The following DOCK9 variants were observed in gnomAD, a reference collection of about 807,000 sequenced individuals.
DOCK9 encodes dedicator of cytokinesis protein 9.
DOCK9 carries 89 observed loss-of-function variants against 263.3 expected under a neutral mutation model. The observed-to-expected ratio is 0.34, with a 90% CI of 0.28 to 0.40. The LOEUF is 0.40. DOCK9 is among the 10% of genes least tolerant of loss of function. The pLI is 1.00. For synonymous variants in DOCK9, 976 were observed against 973.1 expected, an observed-to-expected ratio of 1.00 and a Z score of -0.06; for missense variants, 2,140 against 2,603.4, an observed-to-expected ratio of 0.82 and a Z score of 3.87.
At chr13:98,812,572 TACA>T (rs1242092180) in intron 45 of DOCK9, among the ~76,000 whole-genome samples, 1 of 152,312 alleles carries the variant, frequency 6.6e-6, no homozygotes. Context: ...GTGCAAGGGC[TACA>T]ACAACTTAAT....
Position 98,920,996 on chromosome 13 carries a change from T to C in DOCK9, c.675A>G (p.Pro225=). 1.2e-6 allele frequency: 2 copies of C among 1,607,482 alleles called. No homozygotes were observed. Among genetic ancestry groups the C allele is most frequent in the Non-Finnish European group, 1.7e-6 (2 of 1,176,490 alleles). ...FYKDEKISKE[P]KGSIFLDSCM... ...AGGAATCCAGAAATATTGATCCTTTTGGTTCTTTGGAGATCTTTTCATCTT... is the reference window on the plus strand; with the variant it reads ...AGGAATCCAGAAATATTGATCCTTTCGGTTCTTTGGAGATCTTTTCATCTT... Residue 225 remains proline (P), a synonymous_variant, in exon 7 of 53, where the codon CCA becomes CCG. Coordinates refer to ENST00000682017, the MANE Select transcript of DOCK9 (RefSeq NM_001366683.2).
chr13:98,940,681 T>C (rs1445134294), intron 2 of DOCK9, among the ~76,000 whole-genome samples: 2 of 144,656 alleles, frequency 1.4e-5, no homozygotes, highest in East Asian at 4.0e-4. Flanking sequence ...TGGGGGGGCC[T>C]TCTCTGCCTC....
At chr13:98,931,014 C>T (rs2053829028) in intron 2 of DOCK9, among the ~76,000 whole-genome samples, 1 of 152,206 alleles carries the variant, frequency 6.6e-6, no homozygotes, top group South Asian at 2.1e-4. Context: ...ACCATCACCA[C>T]CATCCATCTC....
intron 1 of DOCK9, among the ~76,000 whole-genome samples, chr13:99,046,525 G>A (rs1260098180): frequency 2.0e-5 from 3 of 152,180 alleles, no homozygotes; most frequent in Admixed American, 2.0e-4. Context: ...CCAACTTGTG[G>A]GACTTGTCTC....
At chr13:98,961,685 G>T (rs982958470) in intron 1 of DOCK9, among the ~76,000 whole-genome samples, 2 of 152,156 alleles carry the variant, frequency 1.3e-5, no homozygotes, top group Non-Finnish European at 2.9e-5. Flanking sequence ...CTCAGGGCAG[G>T]GCTGAGTCTT....
chr13:98,831,963 T>C (rs1222669802), intron 39 of DOCK9, 177 bp from the exon 40 acceptor site: 4 of 725,714 alleles, frequency 5.5e-6, no homozygotes, highest in East Asian at 2.7e-5. Context: ...AGCAAATCTA[T>C]CAATACATTT....
chr13:99,013,638 G>A (rs1430390941), intron 1 of DOCK9, among the ~76,000 whole-genome samples: 3 of 152,124 alleles, frequency 2.0e-5, no homozygotes, highest in African/African-American at 4.8e-5. Flanking sequence ...GCAATGAATG[G>A]TGCAATCCCT....
chr13:98,940,450 G>C (rs1397749583), intron 2 of DOCK9, among the ~76,000 whole-genome samples: 1 of 152,110 alleles, frequency 6.6e-6, no homozygotes, highest in African/African-American at 2.4e-5. Flanking sequence ...CTAGGCTGGA[G>C]TGCAGTGGTG....
intron 1 of DOCK9, among the ~76,000 whole-genome samples, chr13:98,997,055 G>A (rs1388897811): frequency 6.6e-6 from 1 of 152,190 alleles, no homozygotes; most frequent in African/African-American, 2.4e-5. Context: ...GAGATGTGCT[G>A]ACTATCCAGG....
At chr13:99,056,479 G>A (rs1462545302) in intron 1 of DOCK9, among the ~76,000 whole-genome samples, 1 of 152,028 alleles carries the variant, frequency 6.6e-6, no homozygotes, top group African/African-American at 2.4e-5. Flanking sequence ...ATTAACTGAG[G>A]GGAAAAAAGA....
At chr13:99,020,062 AC>A (rs1344085984) in intron 1 of DOCK9, among the ~76,000 whole-genome samples, 4 of 152,172 alleles carry the variant, frequency 2.6e-5, no homozygotes, top group Non-Finnish European at 5.9e-5. Context: ...AGATGGCACC[AC>A]TGCACTTCAG....
intron 21 of DOCK9, among the ~76,000 whole-genome samples, chr13:98,884,433 A>G (rs1233337448): frequency 6.6e-6 from 1 of 152,258 alleles, no homozygotes; most frequent in African/African-American, 2.4e-5. Context: ...GCAGACAAAC[A>G]TAAAAAGAAC....
At chr13:98,839,284 G>T (rs1348495840) in intron 38 of DOCK9, among the ~76,000 whole-genome samples, 3 of 152,180 alleles carry the variant, frequency 2.0e-5, no homozygotes, top group Non-Finnish European at 4.4e-5. Context: ...ATCTCCCAGA[G>T]AAAATAAAGG....
chr13:98,911,349 T>G (rs2049990191), intron 9 of DOCK9, among the ~76,000 whole-genome samples: 1 of 152,202 alleles, frequency 6.6e-6, no homozygotes, highest in African/African-American at 2.4e-5. Flanking sequence ...ATGTTTGAGG[T>G]GATGGCTATC....
At position 98,825,813 on chromosome 13, in the gene DOCK9, G is replaced by A. The variant is rs373119015; in HGVS notation, c.5023+1017C>T. On this transcript the variant is annotated intron_variant, in intron 44 of 52. Transcript: ENST00000682017. The surrounding 1 kb of genome is among the most constrained non-coding windows in gnomAD (Gnocchi z 4.1). ...GTTAAAAGGGCAAATCCCCCACCAC[G>A]GGAGGGCACGTGACCAGGGCAGGGG... 21 of 1,187,408 alleles carry A rather than the reference G, an allele frequency of 1.8e-5. No homozygotes were observed. The highest frequency in any genetic ancestry group is 1.0e-4 in the Admixed American group (3 of 29,314). The allele number at this position is 1,187,408 out of a possible 1,614,324, so 73.6% of individuals were successfully genotyped here.
In DOCK9 at chr13:98,832,443, T is replaced by G. The variant is rs529477860; in HGVS notation, c.4315-657A>C. Reference sequence around the variant, plus strand: ...AGTGTAGAAACCATCTGACGCATACTTTGGTCTAGCTCAGTAGGTGGCATC... The same window carrying G: ...AGTGTAGAAACCATCTGACGCATACGTTGGTCTAGCTCAGTAGGTGGCATC... On this transcript the variant is annotated intron_variant, in intron 39 of 52. Transcript: ENST00000682017. Among the ~76,000 whole-genome samples, 8 of 152,274 alleles carry G rather than the reference T, an allele frequency of 5.3e-5. No homozygotes were observed. In the South Asian group the frequency reaches 1.7e-3, roughly 32 times the overall value.
At chr13:98,923,238 A>G (rs2052363892) in intron 5 of DOCK9, 64 bp downstream of exon 5, 1 of 1,480,600 alleles carries the variant, frequency 6.8e-7, no homozygotes, top group Non-Finnish European at 9.4e-7. Context: ...TAATCTTCTA[A>G]GTCTGTAAAA....
At position 99,021,105 on chromosome 13, in the gene DOCK9, T is replaced by C. The variant is rs139176653; in HGVS notation, c.129+65118A>G. On this transcript the variant is annotated intron_variant, in intron 1 of 32. Coordinates refer to the DOCK9 transcript ENST00000427887. ...AATGCCTCGTTCCTTTTATAACCAA[T>C]CAATATAATCAAATGTAATTAGAGT... Among the ~76,000 whole-genome samples the C allele has an allele frequency of 1.5e-3, 221 of 152,298 alleles. 2 individuals are homozygous for C. Among genetic ancestry groups the C allele is most frequent in the Admixed American group, 2.6e-3 (40 of 15,302 alleles).
intron 1 of DOCK9, among the ~76,000 whole-genome samples, chr13:98,998,097 T>C (rs548407923): frequency 1.3e-5 from 2 of 152,320 alleles, no homozygotes; most frequent in East Asian, 3.9e-4. Context: ...TCCTCTGTAC[T>C]TGGTGGACCT....
Sources: gnomAD v4.1 joint callset for allele counts (sites outside exome capture counted in the v4.1 genomes callset) on GRCh38, gnomAD v4.1.1 for gene constraint, Gnocchi (gnomAD v3.1) non-coding constraint, MANE v1.5 for transcripts, NCBI Gene and HGNC (gene_info 2026-07-23, HGNC 2026-07-21) for gene names.